The following CNTLN variants were observed in gnomAD, a reference collection of about 807,000 sequenced individuals.
CNTLN encodes the protein centlein, centrosomal protein.
A neutral mutation model predicts 180.0 loss-of-function variants in CNTLN; 212 were observed. The observed-to-expected ratio is 1.18, with a 90% CI of 1.05 to 1.32. The LOEUF (loss-of-function observed/expected upper bound fraction) is 1.32, where lower values mean the gene tolerates loss of function less well. Among genes scored for constraint, CNTLN ranks in the 40% most tolerant of loss-of-function variants. CNTLN has a pLI of 0.00. For missense variants in CNTLN, 2,095 were observed against 1,610.9 expected, an observed-to-expected ratio of 1.30 and a Z score of -5.14; for synonymous variants, 722 against 563.1, an observed-to-expected ratio of 1.28 and a Z score of -3.99.
At chr9:17,392,075 C>G (rs1826156262) in intron 14 of CNTLN, among the ~76,000 whole-genome samples, 1 of 151,988 alleles carries the variant, frequency 6.6e-6, no homozygotes, top group African/African-American at 2.4e-5. Flanking sequence ...GTGGACCAAT[C>G]AAGGCAACAC....
intron 12 of CNTLN, among the ~76,000 whole-genome samples, chr9:17,365,028 A>G (rs1013859823): frequency 6.6e-6 from 1 of 152,132 alleles, no homozygotes; most frequent in African/African-American, 2.4e-5. Context: ...TCCTGTCGTT[A>G]GCTCATTTTT....
chr9:17,282,495 C>G (rs1222746172), intron 6 of CNTLN, among the ~76,000 whole-genome samples: 1 of 152,068 alleles, frequency 6.6e-6, no homozygotes, highest in Non-Finnish European at 1.5e-5. Flanking sequence ...AGGCCTTTGT[C>G]AGATGGATAG....
the CNTLN span, among the ~76,000 whole-genome samples, chr9:17,520,278 C>G: frequency 1.3e-5 from 2 of 152,212 alleles, no homozygotes; most frequent in Admixed American, 6.5e-5. Context: ...AACAGAGCCA[C>G]TGCAAGTGTT....
chr9:17,268,209 T>A (rs948176962), intron 5 of CNTLN, among the ~76,000 whole-genome samples: 2 of 152,074 alleles, frequency 1.3e-5, no homozygotes, highest in Admixed American at 1.3e-4. Flanking sequence ...TACAGATGGG[T>A]TTTTAGTGTG....
Position 17,394,836 on chromosome 9 carries a change from A to G in CNTLN, c.2382A>G (p.Pro794=). Residue 794 remains proline (P), a synonymous_variant, in exon 15 of 26, where the codon CCA becomes CCG. Coordinates refer to ENST00000380647, the MANE Select transcript of CNTLN (RefSeq NM_017738.4). Reference sequence around the variant, plus strand: ...ATGAAAATGAAGAGCTGATCAACCCAATGGAGAAATCACACCAGTCAGCAG... The same window carrying G: ...ATGAAAATGAAGAGCTGATCAACCCGATGGAGAAATCACACCAGTCAGCAG... ...LRNENEELIN[P]MEKSHQSADR... The G allele has an allele frequency of 1.2e-6, 2 of 1,613,994 alleles. No individual in the cohort carries two copies. Among genetic ancestry groups the G allele is most frequent in the Non-Finnish European group, 1.7e-6 (2 of 1,179,962 alleles).
intron 2 of CNTLN, chr9:17,167,095 G>A (rs1820122889): frequency 5.1e-6 from 1 of 197,056 alleles, no homozygotes; most frequent in African/African-American, 2.4e-5. Flanking sequence ...GAAAGGATTA[G>A]TGATAAGTAA....
chr9:17,216,880 A>G (rs1823794045), intron 2 of CNTLN, among the ~76,000 whole-genome samples: 1 of 152,234 alleles, frequency 6.6e-6, no homozygotes, highest in African/African-American at 2.4e-5. Flanking sequence ...TGTAGCTGCC[A>G]GAATTATGCC....
chr9:17,342,016 C>CG (rs763535601), intron 11 of CNTLN, among the ~76,000 whole-genome samples: 34 of 151,874 alleles, frequency 2.2e-4, no homozygotes, highest in African/African-American at 5.8e-4. Flanking sequence ...TTTTTGTATG[C>CG]GGGGGGGACC....
the CNTLN span, among the ~76,000 whole-genome samples, chr9:17,509,716 A>T: frequency 6.6e-6 from 1 of 152,108 alleles, no homozygotes; most frequent in Non-Finnish European, 1.5e-5. Context: ...GGATCCACAA[A>T]TCAGGGGGTG....
intron 22 of CNTLN, 71 bp downstream of exon 22, chr9:17,466,189 T>C (rs1445992001): frequency 3.5e-6 from 5 of 1,418,936 alleles, no homozygotes; most frequent in Non-Finnish European, 4.9e-6. Flanking sequence ...TTTAACATTG[T>C]TGCTTTTTCC....
intron 2 of CNTLN, among the ~76,000 whole-genome samples, chr9:17,184,025 A>G (rs1821283176): frequency 6.6e-6 from 1 of 152,152 alleles, no homozygotes; most frequent in African/African-American, 2.4e-5. Flanking sequence ...GAAGTTTCAC[A>G]TTGAGGTCAT....
intron 3 of CNTLN, among the ~76,000 whole-genome samples, chr9:17,231,327 C>G (rs1245087768): frequency 6.6e-6 from 1 of 152,004 alleles, no homozygotes; most frequent in Non-Finnish European, 1.5e-5. Context: ...AGTGAAATTA[C>G]TAGAAAGTTA....
intron 18 of CNTLN, among the ~76,000 whole-genome samples, chr9:17,440,169 A>C (rs1830020033): frequency 6.6e-6 from 1 of 152,132 alleles, no homozygotes; most frequent in South Asian, 2.1e-4. Flanking sequence ...ATGCTATGGG[A>C]ATGTAAAATG....
chr9:17,213,362 G>A lies in CNTLN; in HGVS notation c.450-12841G>A, dbSNP rs191077309. 1.9e-3 allele frequency among the ~76,000 whole-genome samples: 289 copies of A among 152,262 alleles called. 1 individual carries two copies. The highest frequency in any genetic ancestry group is 6.6e-3 in the African/African-American group (276 of 41,550). ...TTGTTCAGTTTCCATGTAGTTGACC[G>A]GTTTTGAGTGAGTTTCTTAATCCTG... On this transcript the variant is annotated intron_variant, in intron 2 of 25. Coordinates refer to ENST00000380647, the MANE Select transcript of CNTLN (RefSeq NM_017738.4).
intron 12 of CNTLN, among the ~76,000 whole-genome samples, chr9:17,363,555 T>C (rs952843262): frequency 1.3e-5 from 2 of 151,626 alleles, no homozygotes; most frequent in African/African-American, 4.8e-5. Flanking sequence ...ATTTATTTTT[T>C]ATTCTTTAAA....
chr9:17,204,529 G>A (rs1822778070), intron 2 of CNTLN, among the ~76,000 whole-genome samples: 1 of 152,232 alleles, frequency 6.6e-6, no homozygotes, highest in Admixed American at 6.5e-5. Flanking sequence ...ATTGCTGCCT[G>A]CTCTTTCCTC....
In CNTLN at chr9:17,452,113, C is replaced by CA. The variant is rs566929440; in HGVS notation, c.3115-5410dup. Among the ~76,000 whole-genome samples the CA allele has an allele frequency of 2.5e-3, 371 of 151,386 alleles. 2 individuals are homozygous for CA. The highest frequency in any genetic ancestry group is 8.2e-3 in the African/African-American group (335 of 41,054). On this transcript the variant is annotated intron_variant, in intron 18 of 25. Transcript: ENST00000380647. The stretch of plus-strand genomic sequence containing the variant: ...TTTTATTCTTTAGAGACATCAAGAT[C>CA]AGAGAGTATCTAAAAATATATTGTT...
At position 17,296,191 on chromosome 9, in the gene CNTLN, C is replaced by T. The variant is rs138711185; in HGVS notation, c.984-1999C>T. 1.6e-3 allele frequency among the ~76,000 whole-genome samples: 240 copies of T among 151,896 alleles called. 2 individuals carry two copies. Among genetic ancestry groups the T allele is most frequent in the African/African-American group, 5.6e-3 (233 of 41,406 alleles). ...CCAATTTTTGTAATTTTTGTAGAGACGGGGTTTCACTATTGGTCAGGCTGG... is the reference window on the plus strand; with the variant it reads ...CCAATTTTTGTAATTTTTGTAGAGATGGGGTTTCACTATTGGTCAGGCTGG... On this transcript the variant is annotated intron_variant, in intron 6 of 25. Transcript: ENST00000380647.
intron 16 of CNTLN, 98 bp from the exon 17 acceptor site, chr9:17,415,690 A>G (rs1828167363): frequency 2.4e-6 from 2 of 836,964 alleles, no homozygotes; most frequent in Non-Finnish European, 1.9e-6. Flanking sequence ...TTCTGCATAA[A>G]CAATTGTATT....
Sources: allele counts gnomAD v4.1 joint callset (sites outside exome capture counted in the v4.1 genomes callset), GRCh38; gene constraint gnomAD v4.1.1; transcripts MANE v1.5; gene names NCBI Gene and HGNC (gene_info 2026-07-23, HGNC 2026-07-21).